CCDC141: variants seen among roughly 807,000 people sequenced by gnomAD.
CCDC141 encodes the protein coiled-coil domain-containing protein 141.
In CCDC141, 168 loss-of-function variants were observed where a neutral mutation model predicts 181.0. The ratio of observed to expected loss-of-function variants is 0.93; its 90% CI spans 0.82 to 1.05. The LOEUF (loss-of-function observed/expected upper bound fraction) is 1.05, where lower values mean the gene tolerates loss of function less well. CCDC141 is among the 50% of genes least tolerant of loss of function. The probability of loss-of-function intolerance (pLI) is 0.00; values close to 1 mark genes in which losing one functional copy is unlikely to be tolerated. For missense variants in CCDC141, 1,902 were observed against 1,788.5 expected (o/e 1.06, Z -1.14); for synonymous variants, 666 against 642.3 (o/e 1.04, Z -0.56).
intron 2 of CCDC141, among the ~76,000 whole-genome samples, chr2:179,031,281 T>A (rs911334151): frequency 6.6e-6 from 1 of 151,974 alleles, no homozygotes; most frequent in Non-Finnish European, 1.5e-5. Flanking sequence ...AAGTGTTGAA[T>A]ATGTGCACAG....
the CCDC141 span, among the ~76,000 whole-genome samples, chr2:178,822,259 G>C: frequency 6.6e-6 from 1 of 151,874 alleles, no homozygotes; most frequent in Admixed American, 6.6e-5. Context: ...GCCTGTTGTG[G>C]GGTGGGGGGA....
Position 178,910,164 on chromosome 2 carries a change from T to G in CCDC141, c.1093-4663A>C, listed in dbSNP as rs572032254. On this transcript the variant is annotated intron_variant, in intron 7 of 23. Transcript: ENST00000443758. ...CCTGCACCAAATCAAATAGAGATAG[T>G]ATCAGGACATGGCACATTTCATTCT... Among the ~76,000 whole-genome samples the G allele has an allele frequency of 9.8e-5, 15 of 152,324 alleles. No individual in the cohort carries two copies. The South Asian group carries it at 3.1e-3, about 32-fold the overall frequency.
chr2:178,911,563 G>T (rs10167882), intron 7 of CCDC141, among the ~76,000 whole-genome samples: 90,463 of 152,054 alleles, frequency 0.59, 27,385 homozygotes, highest in Admixed American at 0.67. Flanking sequence ...CCCAAAAAGA[G>T]TGTGTACAAT....
chr2:178,878,176 A>C, intron 11 of CCDC141, 33 bp from the exon 12 acceptor site: 2 of 1,461,104 alleles, frequency 1.4e-6, no homozygotes, highest in Non-Finnish European at 1.8e-6. Flanking sequence ...AAGAACACTT[A>C]AACACATTTT....
chr2:179,023,104 G>A (rs1395208892), intron 2 of CCDC141, among the ~76,000 whole-genome samples: 13 of 152,136 alleles, frequency 8.5e-5, no homozygotes, highest in Admixed American at 3.9e-4. Flanking sequence ...TATGACCAGG[G>A]CAAATGACTG....
At chr2:179,031,863 A>G (rs968837068) in intron 2 of CCDC141, among the ~76,000 whole-genome samples, 2 of 152,148 alleles carry the variant, frequency 1.3e-5, no homozygotes, top group African/African-American at 4.8e-5. Flanking sequence ...TCCAGTTTCA[A>G]CTACGGAAAT....
intron 4 of CCDC141, among the ~76,000 whole-genome samples, chr2:178,964,190 T>C (rs961691581): frequency 1.3e-5 from 2 of 152,198 alleles, no homozygotes; most frequent in Non-Finnish European, 2.9e-5. Flanking sequence ...AGTCTCCTTT[T>C]ATATATAGAG....
At chr2:178,967,425 G>A (rs1690689621) in intron 4 of CCDC141, among the ~76,000 whole-genome samples, 1 of 152,140 alleles carries the variant, frequency 6.6e-6, no homozygotes, top group Non-Finnish European at 1.5e-5. Flanking sequence ...AAGAGAGTGG[G>A]GGCCAATAGT....
At chr2:178,929,057 G>A (rs1689006429) in intron 6 of CCDC141, among the ~76,000 whole-genome samples, 1 of 152,008 alleles carries the variant, frequency 6.6e-6, no homozygotes, top group South Asian at 2.1e-4. Context: ...TGAAGACAGG[G>A]GAATTGAAAT....
intron 6 of CCDC141, among the ~76,000 whole-genome samples, chr2:178,937,369 T>C (rs867255279): frequency 6.6e-6 from 1 of 152,186 alleles, no homozygotes; most frequent in Admixed American, 6.5e-5. Context: ...TTGTCTTTAG[T>C]TCTGTTTATG....
At chr2:178,820,013 C>A in the CCDC141 span, among the ~76,000 whole-genome samples, 1 of 152,142 alleles carries the variant, frequency 6.6e-6, no homozygotes, top group Non-Finnish European at 1.5e-5. Flanking sequence ...TATTAAGCTT[C>A]TCTCACTAAG....
At chr2:178,945,727 T>C (rs1248340178) in intron 5 of CCDC141, among the ~76,000 whole-genome samples, 4 of 152,166 alleles carry the variant, frequency 2.6e-5, no homozygotes, top group Non-Finnish European at 4.4e-5. Context: ...TAGGTTGTCT[T>C]GCCTGAAGCA....
At chr2:178,863,042 T>C (rs1397535831) in intron 17 of CCDC141, among the ~76,000 whole-genome samples, 2 of 152,168 alleles carry the variant, frequency 1.3e-5, no homozygotes, top group African/African-American at 4.8e-5. Context: ...ATATTTAACA[T>C]CAGACCATGC....
At chr2:179,035,750 C>A (rs563158429) in intron 2 of CCDC141, among the ~76,000 whole-genome samples, 1 of 152,256 alleles carries the variant, frequency 6.6e-6, no homozygotes, top group South Asian at 2.1e-4. Context: ...TTCCAAGTTT[C>A]AGGAAGTAAA....
chr2:178,880,156 T>C (rs1369354470), intron 11 of CCDC141, among the ~76,000 whole-genome samples: 1 of 152,216 alleles, frequency 6.6e-6, no homozygotes, highest in Non-Finnish European at 1.5e-5. Context: ...AAACTTTAAT[T>C]CATCCTTCTT....
At chr2:178,922,884 T>G (rs1688754344) in intron 6 of CCDC141, among the ~76,000 whole-genome samples, 1 of 152,206 alleles carries the variant, frequency 6.6e-6, no homozygotes, top group South Asian at 2.1e-4. Context: ...TTTTTTGTTC[T>G]CCATCCCCAG....
Position 178,830,069 on chromosome 2 carries a change from T to C in CCDC141, c.*4104A>G, listed in dbSNP as rs949291019. 2.0e-5 allele frequency: 3 copies of C among 152,264 alleles called. No homozygotes were observed. The highest frequency in any genetic ancestry group is 4.4e-5 in the Non-Finnish European group (3 of 68,046). 9.4% of individuals were successfully genotyped at this position (152,264 alleles called of 1,614,324 possible). ...CAGCTACAATTAAATATTGATCATT[T>C]ACGTAGTGTTCTAAAGAAGTACATA... is the stretch of plus-strand genomic sequence containing the variant. On this transcript the variant is annotated 3_prime_UTR_variant, in exon 24 of 24. Coordinates refer to ENST00000443758, the MANE Select transcript of CCDC141 (RefSeq NM_173648.4).
intron 19 of CCDC141, 26 bp downstream of exon 19, chr2:178,855,321 T>C (rs1054269714): frequency 5.1e-6 from 8 of 1,578,842 alleles, no homozygotes; most frequent in Non-Finnish European, 6.9e-6. Context: ...CATTACAACA[T>C]GGATACCACT....
At chr2:178,823,312 T>A in the CCDC141 span, among the ~76,000 whole-genome samples, 1 of 152,318 alleles carries the variant, frequency 6.6e-6, no homozygotes, top group Non-Finnish European at 1.5e-5. Context: ...TTAGAGGAAC[T>A]TAATGTCAAA....
Sources: gnomAD v4.1 joint callset for allele counts (sites outside exome capture counted in the v4.1 genomes callset) on GRCh38, gnomAD v4.1.1 for gene constraint, MANE v1.5 for transcripts, NCBI Gene and HGNC (gene_info 2026-07-23, HGNC 2026-07-21) for gene names.